The following BRWD3 variants were observed in gnomAD, a reference collection of about 807,000 sequenced individuals.
The protein encoded by BRWD3 is bromodomain and WD repeat-containing protein 3.
Under a neutral mutation model 149.7 loss-of-function variants are expected in BRWD3, and 10 were observed. That is an observed-to-expected ratio of 0.07 (90% CI 0.04 to 0.11). BRWD3 has a LOEUF of 0.11. Among genes scored for constraint, BRWD3 ranks in the 10% least tolerant of loss-of-function variants. The pLI, the probability that BRWD3 is intolerant of heterozygous loss-of-function variation, is 1.00. For synonymous variants in BRWD3, 504 were observed against 456.7 expected (o/e 1.10, Z -1.32); for missense variants, 940 against 1,373.2 (o/e 0.68, Z 4.99).
rs144145082 is a variant in BRWD3 at position 80,710,391 on chromosome X, G to A, written c.2326-814C>T. ...CTGACTATTTTGACTACAGAGCTAC[G>A]TCCACTGGGGCCCATTCTCAGTCAG... On this transcript the variant is annotated intron_variant, in intron 20 of 40. Transcript: ENST00000373275. The A allele has an allele frequency of 1.0e-2, 3,340 of 334,758 alleles. 22 individuals carry two copies. Among genetic ancestry groups the A allele is most frequent in the South Asian group, 0.031 (913 of 29,691 alleles). 27.6% of individuals were successfully genotyped at this position (334,758 alleles called of 1,213,427 possible).
chrX:80,740,549 C>T (rs753675426), intron 8 of BRWD3, among the ~76,000 whole-genome samples: 46 of 111,497 alleles, frequency 4.1e-4, no homozygotes, highest in Non-Finnish European at 3.6e-4. Context: ...GACTTTGAGA[C>T]CAGCCTAGGC....
chrX:80,765,969 C>T (rs2073854134), intron 6 of BRWD3, among the ~76,000 whole-genome samples: 2 of 111,604 alleles, frequency 1.8e-5, no homozygotes, highest in Admixed American at 1.9e-4. Context: ...TGTATAGATG[C>T]CAAGTTGACA....
chrX:80,760,879 A>G (rs2073795272), intron 6 of BRWD3, among the ~76,000 whole-genome samples: 1 of 111,690 alleles, frequency 9.0e-6, no homozygotes, highest in Non-Finnish European at 1.9e-5. Context: ...CTAATTTACT[A>G]TCCTGACTTA....
intron 25 of BRWD3, among the ~76,000 whole-genome samples, chrX:80,697,662 T>C (rs1385733654): frequency 8.9e-6 from 1 of 112,029 alleles, no homozygotes; most frequent in Non-Finnish European, 1.9e-5. Flanking sequence ...CCTCAATTTT[T>C]ATAGGTACAC....
intron 12 of BRWD3, among the ~76,000 whole-genome samples, chrX:80,730,447 A>AAGAAAGAAAGAAAGAC (rs1555972947): frequency 2.8e-5 from 3 of 108,551 alleles, no homozygotes; most frequent in Non-Finnish European, 3.8e-5. Context: ...GAAAGAAAGA[A>AAGAAAGAAAGAAAGAC]AGACACAGTT....
intron 9 of BRWD3, among the ~76,000 whole-genome samples, 160 bp downstream of exon 9, chrX:80,735,828 T>TA (rs1442421086): frequency 9.6e-6 from 1 of 104,058 alleles, no homozygotes; most frequent in African/African-American, 3.8e-5. Context: ...AAAATTATCC[T>TA]AAAATCTCTT....
At chrX:80,705,607 C>A in intron 22 of BRWD3, among the ~76,000 whole-genome samples, 1 of 111,488 alleles carries the variant, frequency 9.0e-6, no homozygotes, top group Non-Finnish European at 1.9e-5. Flanking sequence ...CTTACACAAA[C>A]CTAGACAGTA....
intron 4 of BRWD3, among the ~76,000 whole-genome samples, chrX:80,796,637 C>A (rs1216220042): frequency 1.8e-5 from 2 of 111,047 alleles, no homozygotes; most frequent in Non-Finnish European, 3.8e-5. Context: ...CAAAAAAAAA[C>A]AATTTGAATC....
intron 8 of BRWD3, among the ~76,000 whole-genome samples, chrX:80,743,470 G>A (rs1315799109): frequency 8.9e-6 from 1 of 111,760 alleles, no homozygotes; most frequent in African/African-American, 3.3e-5. Flanking sequence ...CAGAAGGAAT[G>A]GTACCAGCTC....
At chrX:80,731,950 G>A (rs1027978936) in intron 12 of BRWD3, among the ~76,000 whole-genome samples, 1 of 103,656 alleles carries the variant, frequency 9.6e-6, no homozygotes, top group African/African-American at 3.5e-5. Context: ...TGAGCTAGCT[G>A]AATCCAAAAT....
chrX:80,729,618 TA>T (rs1006001510), intron 13 of BRWD3, among the ~76,000 whole-genome samples: 2 of 111,402 alleles, frequency 1.8e-5, no homozygotes, highest in Non-Finnish European at 3.8e-5. Flanking sequence ...AAAATAGATA[TA>T]TTTTTTAATG....
At chrX:80,703,354 T>C in intron 24 of BRWD3, 126 bp downstream of exon 24, 4 of 447,084 alleles carry the variant, frequency 8.9e-6, no homozygotes, top group Non-Finnish European at 1.5e-5. Context: ...AATATATAAT[T>C]GAGCAGAGCA....
intron 20 of BRWD3, among the ~76,000 whole-genome samples, chrX:80,713,763 C>A (rs2073033185): frequency 8.9e-6 from 1 of 112,124 alleles, no homozygotes; most frequent in African/African-American, 3.3e-5. Context: ...GGACTCAAAA[C>A]AATCTACATA....
At chrX:80,717,011 A>G (rs1201946257) in intron 19 of BRWD3, 2 of 113,867 alleles carry the variant, frequency 1.8e-5, no homozygotes, top group Non-Finnish European at 3.7e-5. Flanking sequence ...AATTGTACAT[A>G]TTCTCTGTAA....
At chrX:80,751,790 AC>A (rs748762713) in intron 6 of BRWD3, among the ~76,000 whole-genome samples, 1 of 110,017 alleles carries the variant, frequency 9.1e-6, no homozygotes, top group South Asian at 3.9e-4. Flanking sequence ...ATTTTGTAGC[AC>A]CCACTTATGA....
intron 25 of BRWD3, among the ~76,000 whole-genome samples, chrX:80,699,374 T>G (rs1374411104): frequency 9.0e-6 from 1 of 110,752 alleles, no homozygotes; most frequent in Non-Finnish European, 1.9e-5. Context: ...TAAACCTAGG[T>G]AGAAATGGTG....
chrX:80,784,015 C>A (rs1213415533), intron 6 of BRWD3, among the ~76,000 whole-genome samples: 1 of 110,859 alleles, frequency 9.0e-6, no homozygotes, highest in Non-Finnish European at 1.9e-5. Flanking sequence ...TTTGATAGTA[C>A]AACAGGGTGA....
chrX:80,771,416 G>A (rs1221285188), intron 6 of BRWD3, among the ~76,000 whole-genome samples: 1 of 111,222 alleles, frequency 9.0e-6, no homozygotes, highest in African/African-American at 3.3e-5. Context: ...TAGACCAATG[G>A]AACAGAACAG....
chrX:80,715,067 A>T (rs369397955), intron 20 of BRWD3, among the ~76,000 whole-genome samples: 1 of 111,705 alleles, frequency 9.0e-6, no homozygotes, highest in East Asian at 2.8e-4. Flanking sequence ...AGTGTATGTA[A>T]ATGTTTCACA....
Sources: allele counts gnomAD v4.1 joint callset (sites outside exome capture counted in the v4.1 genomes callset), GRCh38; gene constraint gnomAD v4.1.1; transcripts MANE v1.5; gene names NCBI Gene and HGNC (gene_info 2026-07-23, HGNC 2026-07-21).